VPS13B: variants seen among roughly 807,000 people sequenced by gnomAD.
VPS13B encodes vacuolar protein sorting 13 homolog B, also known as intermembrane lipid transfer protein VPS13B.
A neutral mutation model predicts 426.4 loss-of-function variants in VPS13B; 285 were observed. The observed-to-expected ratio is 0.67, with a 90% CI of 0.61 to 0.74. The LOEUF (loss-of-function observed/expected upper bound fraction) is 0.74. Ranked by LOEUF, VPS13B falls within the 30% of genes least tolerant of loss-of-function variation. The pLI, the probability that VPS13B is intolerant of heterozygous loss-of-function variation, is 0.00. For missense variants in VPS13B, 4,537 were observed against 4,782.6 expected, an observed-to-expected ratio of 0.95 and a Z score of 1.51; for synonymous variants, 1,676 against 1,676.4, an observed-to-expected ratio of 1.00 and a Z score of 0.01.
chr8:99,316,688 G>C (rs1809677998), intron 19 of VPS13B, among the ~76,000 whole-genome samples: 1 of 152,060 alleles, frequency 6.6e-6, no homozygotes, highest in African/African-American at 2.4e-5. Flanking sequence ...CCTTTCTTGT[G>C]TTTTTTCTCA....
At chr8:99,442,018 C>G (rs991645822) in intron 22 of VPS13B, among the ~76,000 whole-genome samples, 1 of 151,890 alleles carries the variant, frequency 6.6e-6, no homozygotes, top group East Asian at 1.9e-4. Context: ...TAAAAATAGC[C>G]CTTTTTAAAA....
chr8:99,861,910 CGACAG>C lies in VPS13B; in HGVS notation c.11181_11185del (p.Gln3728ProfsTer17). 1 of 1,597,686 alleles carries C rather than the reference CGACAG, an allele frequency of 6.3e-7. No homozygotes were observed. The highest frequency in any genetic ancestry group is 8.5e-7 in the Non-Finnish European group (1 of 1,173,046). On this transcript the variant is annotated frameshift_variant, in exon 58 of 62. Coordinates refer to ENST00000357162, the MANE Select transcript of VPS13B (RefSeq NM_152564.5). LOFTEE classifies it high-confidence loss of function. ...CCCCGAGAGCCTGGGCGAGGGGCTTCGACAGGGCCTGTCCCGGCTGGGCATCAGCC... is the reference window on the plus strand; with the variant it reads ...CCCCGAGAGCCTGGGCGAGGGGCTTCGGCCTGTCCCGGCTGGGCATCAGCC...
chr8:99,670,253 ATGAGGAATAAAT>A lies in VPS13B; in HGVS notation c.6046+8763_6046+8774del, dbSNP rs1315350682. The stretch of plus-strand genomic sequence containing the variant: ...TGTCTCGATTTTTCTGGAGTAGAAA[ATGAGGAATAAAT>A]AATGTGATTTTTTAATCTTTAAAAT... On this transcript the variant is annotated intron_variant, in intron 35 of 61. Transcript: ENST00000357162. Among the ~76,000 whole-genome samples the A allele has an allele frequency of 2.6e-5, 3 of 114,756 alleles. No homozygotes were observed. In the Admixed American group the frequency reaches 3.8e-4, roughly 15 times the overall value. The allele number at this position is 114,756 out of a possible 152,430, so 75.3% of individuals were successfully genotyped here.
intron 17 of VPS13B, among the ~76,000 whole-genome samples, chr8:99,223,305 A>T (rs1478112314): frequency 6.6e-6 from 1 of 152,138 alleles, no homozygotes; most frequent in African/African-American, 2.4e-5. Context: ...TATAATCTAA[A>T]TATAGTAAAA....
chr8:99,394,579 A>C (rs932081389), intron 21 of VPS13B, among the ~76,000 whole-genome samples: 2 of 152,190 alleles, frequency 1.3e-5, no homozygotes, highest in Admixed American at 6.5e-5. Context: ...CTTCCAGAGA[A>C]TCTGTATATC....
chr8:99,403,505 C>G (rs113310535), intron 21 of VPS13B, among the ~76,000 whole-genome samples: 3,245 of 148,914 alleles, frequency 0.022, 124 homozygotes, highest in African/African-American at 0.076. Flanking sequence ...GCCGAGATTG[C>G]GTCACTGCAC....
At chr8:99,397,590 A>G (rs1814804140) in intron 21 of VPS13B, among the ~76,000 whole-genome samples, 1 of 152,216 alleles carries the variant, frequency 6.6e-6, no homozygotes, top group African/African-American at 2.4e-5. Flanking sequence ...GCTTTAAACA[A>G]GATCCAATTT....
chr8:99,807,581 T>C (rs1019743687), intron 43 of VPS13B, among the ~76,000 whole-genome samples: 10 of 152,162 alleles, frequency 6.6e-5, no homozygotes, highest in Non-Finnish European at 1.3e-4. Context: ...TCTCTGTTAC[T>C]AACATTTAAA....
rs182931086 is a variant in VPS13B, at chr8:99,696,734, C to T, written c.6047-2791C>T. ...GACTTCTCCGTTTTCCCAGAAGATC[C>T]GGGGGATGGGGGAGAGACCCAGCAA... On this transcript the variant is annotated intron_variant, in intron 35 of 61. Coordinates refer to ENST00000357162, the MANE Select transcript of VPS13B (RefSeq NM_152564.5). 2.5e-4 allele frequency: 256 copies of T among 1,036,602 alleles called. 2 individuals are homozygous for T. The East Asian group carries it at 5.1e-3, about 21-fold the overall frequency. The allele number at this position is 1,036,602 out of a possible 1,614,324, so 64.2% of individuals were successfully genotyped here.
chr8:99,588,480 TC>T (rs1826426662), intron 33 of VPS13B, among the ~76,000 whole-genome samples: 1 of 151,770 alleles, frequency 6.6e-6, no homozygotes, highest in Non-Finnish European at 1.5e-5. Context: ...GTTTGTGTCC[TC>T]TTTTATTTTG....
intron 2 of VPS13B, among the ~76,000 whole-genome samples, chr8:99,024,057 G>A (rs1449154841): frequency 3.9e-5 from 6 of 152,058 alleles, no homozygotes; most frequent in Non-Finnish European, 2.9e-5. Flanking sequence ...TATATCCTCA[G>A]CAGTATTTTG....
chr8:99,152,308 G>T (rs1265907844), intron 14 of VPS13B, among the ~76,000 whole-genome samples: 2 of 152,040 alleles, frequency 1.3e-5, no homozygotes, highest in African/African-American at 4.8e-5. Context: ...CAAGTATTTT[G>T]ACATTTTTTA....
chr8:99,028,244 G>T (rs1343631468), intron 2 of VPS13B, among the ~76,000 whole-genome samples: 1 of 151,878 alleles, frequency 6.6e-6, no homozygotes, highest in African/African-American at 2.4e-5. Context: ...TCCCAGACGG[G>T]GTCGTGGCCG....
At chr8:99,319,312 C>G (rs1809850120) in intron 19 of VPS13B, among the ~76,000 whole-genome samples, 1 of 152,108 alleles carries the variant, frequency 6.6e-6, no homozygotes, top group South Asian at 2.1e-4. Context: ...GTAAACATGT[C>G]TTTGTCAAAT....
chr8:99,136,105 A>T (rs1810056927), intron 11 of VPS13B, among the ~76,000 whole-genome samples: 1 of 152,010 alleles, frequency 6.6e-6, no homozygotes, highest in African/African-American at 2.4e-5. Flanking sequence ...GAATATATTA[A>T]TATGTTTATG....
intron 2 of VPS13B, among the ~76,000 whole-genome samples, chr8:99,029,277 G>C (rs1025679296): frequency 8.1e-5 from 12 of 147,556 alleles, no homozygotes; most frequent in African/African-American, 3.0e-4. Context: ...GGGCAGAGAC[G>C]CTCCTCACTT....
At chr8:99,614,254 C>G (rs1588551608) in intron 33 of VPS13B, among the ~76,000 whole-genome samples, 1 of 139,614 alleles carries the variant, frequency 7.2e-6, no homozygotes, top group African/African-American at 3.3e-5. Context: ...AAATTTTATA[C>G]ACACACACAC....
intron 17 of VPS13B, among the ~76,000 whole-genome samples, chr8:99,265,105 C>CATT (rs965472708): frequency 2.6e-5 from 4 of 151,870 alleles, no homozygotes; most frequent in Admixed American, 6.6e-5. Context: ...GGATAGAAAT[C>CATT]ATTATTATTA....
At chr8:99,593,665 C>T (rs1439602737) in intron 33 of VPS13B, among the ~76,000 whole-genome samples, 1 of 151,846 alleles carries the variant, frequency 6.6e-6, no homozygotes, top group Non-Finnish European at 1.5e-5. Context: ...CCTAAATGCC[C>T]ATCAGTGATA....
Sources: allele counts gnomAD v4.1 joint callset (sites outside exome capture counted in the v4.1 genomes callset), GRCh38; gene constraint gnomAD v4.1.1; transcripts MANE v1.5; gene names NCBI Gene and HGNC (gene_info 2026-07-23, HGNC 2026-07-21).